Variants in THSD7A observed in about 807,000 individuals in gnomAD.
THSD7A encodes thrombospondin type-1 domain-containing protein 7A.
A neutral mutation model predicts 231.3 loss-of-function variants in THSD7A; 96 were observed. The observed-to-expected ratio is 0.41, with a 90% CI of 0.35 to 0.49. The LOEUF is 0.49. Ranked by LOEUF, THSD7A falls within the 20% of genes least tolerant of loss-of-function variation. THSD7A has a pLI of 0.05. For synonymous variants in THSD7A, 940 were observed against 743.3 expected, an observed-to-expected ratio of 1.26 and a Z score of -4.30; for missense variants, 2,290 against 2,070.2, an observed-to-expected ratio of 1.11 and a Z score of -2.06.
chr7:11,791,426 G>T (rs1261948327), intron 1 of THSD7A, among the ~76,000 whole-genome samples: 1 of 151,946 alleles, frequency 6.6e-6, no homozygotes, highest in African/African-American at 2.4e-5. Context: ...AATTTCTGGA[G>T]CATAAGCAGT....
At chr7:11,628,064 T>C (rs1299439507) in intron 2 of THSD7A, among the ~76,000 whole-genome samples, 1 of 152,142 alleles carries the variant, frequency 6.6e-6, no homozygotes, top group Non-Finnish European at 1.5e-5. Flanking sequence ...GTTAAAGTTT[T>C]AATTATTGTG....
At chr7:11,777,639 T>C (rs955699049) in intron 1 of THSD7A, among the ~76,000 whole-genome samples, 1 of 152,194 alleles carries the variant, frequency 6.6e-6, no homozygotes, top group Non-Finnish European at 1.5e-5. Context: ...TCCTATTGTT[T>C]GTCTAAGATA....
At chr7:11,725,967 T>C (rs1781531817) in intron 1 of THSD7A, among the ~76,000 whole-genome samples, 1 of 152,058 alleles carries the variant, frequency 6.6e-6, no homozygotes, top group African/African-American at 2.4e-5. Flanking sequence ...ATGAATCTTA[T>C]GAATTAATAT....
intron 4 of THSD7A, among the ~76,000 whole-genome samples, chr7:11,565,018 C>G (rs1187815055): frequency 6.6e-6 from 1 of 152,118 alleles, no homozygotes; most frequent in African/African-American, 2.4e-5. Context: ...TCTGTTGCAA[C>G]ACTGCAAATA....
At chr7:11,780,993 G>A (rs1396606664) in intron 1 of THSD7A, among the ~76,000 whole-genome samples, 1 of 38,214 alleles carries the variant, frequency 2.6e-5, no homozygotes, top group Non-Finnish European at 4.9e-5. Flanking sequence ...GCGAGACTCC[G>A]TCTCAAAAAA....
chr7:11,600,948 T>C (rs1194174603), intron 2 of THSD7A, among the ~76,000 whole-genome samples: 1 of 152,210 alleles, frequency 6.6e-6, no homozygotes, highest in Non-Finnish European at 1.5e-5. Flanking sequence ...CAGCTCTGTT[T>C]TCCCTACAAC....
chr7:11,611,057 G>T (rs2128348884), intron 2 of THSD7A, among the ~76,000 whole-genome samples: 1 of 152,248 alleles, frequency 6.6e-6, no homozygotes, highest in African/African-American at 2.4e-5. Flanking sequence ...ATAAATTAAA[G>T]TATAAATGGG....
intron 1 of THSD7A, among the ~76,000 whole-genome samples, chr7:11,725,935 T>C (rs1426380354): frequency 2.6e-5 from 4 of 152,050 alleles, no homozygotes; most frequent in African/African-American, 9.6e-5. Context: ...CTATTACAAA[T>C]ATATTGAAAA....
chr7:11,698,164 A>G (rs1780460737), intron 1 of THSD7A, among the ~76,000 whole-genome samples: 1 of 151,436 alleles, frequency 6.6e-6, no homozygotes, highest in African/African-American at 2.4e-5. Context: ...ATATGATACG[A>G]TTATTTCTTT....
intron 13 of THSD7A, among the ~76,000 whole-genome samples, chr7:11,432,599 A>G (rs1784511459): frequency 3.3e-5 from 5 of 152,052 alleles, no homozygotes; most frequent in African/African-American, 1.2e-4. Flanking sequence ...TTTTCACTCT[A>G]CATTGTGATA....
chr7:11,615,021 T>C (rs988154480), intron 2 of THSD7A, among the ~76,000 whole-genome samples: 3 of 152,248 alleles, frequency 2.0e-5, no homozygotes, highest in South Asian at 4.1e-4. Flanking sequence ...GAACTGATTA[T>C]GGCAAATTTC....
Position 11,406,092 on chromosome 7 carries a change from CA to C in THSD7A, c.4237+207del, listed in dbSNP as rs752597951. On this transcript the variant is annotated intron_variant, in intron 22 of 27. Transcript: ENST00000423059. The surrounding 1 kb of genome is among the most constrained non-coding windows in gnomAD (Gnocchi z 4.7). ...AAAACTCCAGAGGGTGTTGAGAGGC[CA>C]CATGGGAGACCTGGACTTCAACCCT... is the stretch of plus-strand genomic sequence containing the variant. 4.3e-4 allele frequency among the ~76,000 whole-genome samples: 65 copies of C among 152,124 alleles called. No individual in the cohort carries two copies. Among genetic ancestry groups the C allele is most frequent in the Non-Finnish European group, 3.4e-4 (23 of 68,020 alleles).
intron 6 of THSD7A, among the ~76,000 whole-genome samples, chr7:11,487,971 G>A (rs1011580093): frequency 6.6e-6 from 1 of 152,050 alleles, no homozygotes; most frequent in African/African-American, 2.4e-5. Flanking sequence ...TTTTATGGTT[G>A]ATTTTAACAG....
chr7:11,803,910 T>C (rs1784339126), intron 1 of THSD7A, among the ~76,000 whole-genome samples: 1 of 152,132 alleles, frequency 6.6e-6, no homozygotes, highest in Non-Finnish European at 1.5e-5. Context: ...CATCACACAG[T>C]ATACATTACA....
intron 1 of THSD7A, among the ~76,000 whole-genome samples, chr7:11,652,765 A>C (rs1411344094): frequency 6.6e-6 from 1 of 151,964 alleles, no homozygotes; most frequent in East Asian, 1.9e-4. Context: ...TGTCTAAAGA[A>C]ACTGAATTTA....
intron 11 of THSD7A, among the ~76,000 whole-genome samples, chr7:11,458,905 G>A (rs953748150): frequency 1.3e-5 from 2 of 152,250 alleles, no homozygotes; most frequent in African/African-American, 2.4e-5. Context: ...AGAAATTAAC[G>A]TTTAATGAAG....
intron 1 of THSD7A, among the ~76,000 whole-genome samples, chr7:11,680,794 G>A (rs747324851): frequency 3.0e-4 from 46 of 152,214 alleles, no homozygotes; most frequent in Admixed American, 1.5e-3. Flanking sequence ...ACAGTGTGGC[G>A]ATTCCTCAAG....
At chr7:11,592,442 A>G (rs1780203123) in intron 3 of THSD7A, among the ~76,000 whole-genome samples, 1 of 152,230 alleles carries the variant, frequency 6.6e-6, no homozygotes, top group Admixed American at 6.5e-5. Flanking sequence ...TATCCTATAT[A>G]CAGATTAAGC....
chr7:11,407,363 A>G lies in THSD7A; in HGVS notation c.3859T>C (p.Cys1287Arg), dbSNP rs1783620517. The G allele has an allele frequency of 6.2e-7, 1 of 1,613,768 alleles. No individual in the cohort carries two copies. The highest frequency in any genetic ancestry group is 8.5e-7 in the Non-Finnish European group (1 of 1,179,822). The change falls in exon 20 of 28, where the codon TGT becomes CGT. Residue 1287 changes from cysteine (C) to arginine (R), a missense_variant. Cys to Arg is a radical substitution (Grantham distance 180, BLOSUM62 -3). Transcript: ENST00000423059. ...TSCMVECPVN[C>R]QLSDWSPWSE... ...CAAGGAGACCAATCAGAAAGCTGACAGTTCACAGGGCATTCCACCATGCAG... is the reference window on the plus strand; with the variant it reads ...CAAGGAGACCAATCAGAAAGCTGACGGTTCACAGGGCATTCCACCATGCAG...
Sources: allele counts gnomAD v4.1 joint callset (sites outside exome capture counted in the v4.1 genomes callset), GRCh38; gene constraint gnomAD v4.1.1; non-coding constraint Gnocchi (gnomAD v3.1); transcripts MANE v1.5; gene names NCBI Gene and HGNC (gene_info 2026-07-23, HGNC 2026-07-21).